The following KLHL24 variants were observed in gnomAD, a reference collection of about 807,000 sequenced individuals.
The protein encoded by KLHL24 is kelch-like protein 24.
Under a neutral mutation model 53.4 loss-of-function variants are expected in KLHL24, and 29 were observed. That is an observed-to-expected ratio of 0.54 (90% CI 0.40 to 0.74). The LOEUF is 0.74. KLHL24 is among the 30% of genes least tolerant of loss of function. The pLI is 0.00. For synonymous variants in KLHL24, 222 were observed against 253.7 expected, an observed-to-expected ratio of 0.88 and a Z score of 1.19; for missense variants, 504 against 744.0, an observed-to-expected ratio of 0.68 and a Z score of 3.75.
chr3:183,674,312 C>G (rs1261598158), intron 7 of KLHL24, among the ~76,000 whole-genome samples: 1 of 134,956 alleles, frequency 7.4e-6, no homozygotes, highest in Admixed American at 7.7e-5. Context: ...TCCTTTCTTC[C>G]TTCCTTCCTT....
At chr3:183,652,161 C>A (rs971851992) in intron 3 of KLHL24, among the ~76,000 whole-genome samples, 4 of 152,214 alleles carry the variant, frequency 2.6e-5, no homozygotes, top group Admixed American at 1.3e-4. Flanking sequence ...GTGAAAATTA[C>A]ATCATCATTA....
At chr3:183,669,113 C>T (rs1290036502) in intron 5 of KLHL24, among the ~76,000 whole-genome samples, 1 of 152,090 alleles carries the variant, frequency 6.6e-6, no homozygotes, top group Non-Finnish European at 1.5e-5. Context: ...TTTTAATTTA[C>T]ACATGTAGGA....
Position 183,672,119 on chromosome 3 carries a change from A to T in KLHL24, c.1414-177A>T, listed in dbSNP as rs557070557. Among the ~76,000 whole-genome samples the T allele has an allele frequency of 1.2e-4, 19 of 152,260 alleles. No individual in the cohort carries two copies. In the South Asian group the frequency reaches 3.7e-3, roughly 30 times the overall value. ...TTCTGCTTGATAGTAATAAATTTGC[A>T]TTTTATTTGAGAATGTTCGTAATTC... On this transcript the variant is annotated intron_variant, in intron 6 of 7. Transcript: ENST00000242810.
In KLHL24 at chr3:183,651,202, T is replaced by C. The variant is rs201498239; in HGVS notation, c.846T>C (p.Tyr282=). Residue 282 remains tyrosine (Y), a synonymous_variant, in exon 3 of 8, where the codon TAT becomes TAC. Coordinates refer to ENST00000242810, the MANE Select transcript of KLHL24 (RefSeq NM_017644.3). ...DQLIQNSPEC[Y]QLLHEARRYH... is the part of the protein sequence containing the mutation. Reference sequence around the variant, plus strand: ...TGATCCAGAATTCTCCTGAGTGTTATCAGTTGTTGCATGAAGCAAGACGGT... The same window carrying C: ...TGATCCAGAATTCTCCTGAGTGTTACCAGTTGTTGCATGAAGCAAGACGGT... 1.2e-3 allele frequency: 1,866 copies of C among 1,614,200 alleles called. 5 individuals carry two copies. Among genetic ancestry groups the C allele is most frequent in the Non-Finnish European group, 1.4e-3 (1,628 of 1,180,038 alleles).
At chr3:183,666,825 C>T (rs529509189) in intron 5 of KLHL24, among the ~76,000 whole-genome samples, 1 of 152,136 alleles carries the variant, frequency 6.6e-6, no homozygotes, top group African/African-American at 2.4e-5. Flanking sequence ...ACAGTTGTAC[C>T]AAGGATTACC....
intron 1 of KLHL24, among the ~76,000 whole-genome samples, chr3:183,641,350 C>T (rs1346542611): frequency 6.6e-6 from 1 of 151,710 alleles, no homozygotes; most frequent in African/African-American, 2.4e-5. Context: ...TGGTGGCGCA[C>T]ACCTGTAGTC....
chr3:183,669,441 T>C (rs764255847), intron 5 of KLHL24, among the ~76,000 whole-genome samples: 6 of 152,214 alleles, frequency 3.9e-5, no homozygotes, highest in Non-Finnish European at 7.3e-5. Flanking sequence ...GAGCTGGTGA[T>C]CAAAGCCTGT....
rs771046844 is a variant in KLHL24 at position 183,650,543 on chromosome 3, C to T, written c.187C>T (p.Arg63Cys). 17 of 1,613,824 alleles carry T rather than the reference C, an allele frequency of 1.1e-5. No individual in the cohort carries two copies. Among genetic ancestry groups the T allele is most frequent in the Admixed American group, 5.0e-5 (3 of 59,998 alleles). Reference protein sequence around the residue: ...LQIFNEFRDSRLFTDVIICVE... With the variant: ...LQIFNEFRDSCLFTDVIICVE... ...GATATTTAATGAATTTCGTGATAGC[C>T]GCTTATTCACAGATGTTATCATTTG... The change falls in exon 3 of 8, where the codon CGC becomes TGC. Residue 63 changes from arginine (R) to cysteine (C), a missense_variant. Arg to Cys is a radical substitution (Grantham distance 180). Transcript: ENST00000242810. This position sits in a 1 kb window ranked among gnomAD's most constrained non-coding sequence, Gnocchi z 4.5.
intron 7 of KLHL24, among the ~76,000 whole-genome samples, chr3:183,677,756 T>G (rs984458137): frequency 6.6e-6 from 1 of 152,060 alleles, no homozygotes; most frequent in African/African-American, 2.4e-5. Context: ...CATGTAATAG[T>G]GAATCAGTTG....
At position 183,663,067 on chromosome 3, in the gene KLHL24, C is replaced by G. The variant is rs16857917; in HGVS notation, c.921-391C>G. ...AAGCTGATGAAAGAGCACCATTTTCCTACAGTTAGAAAAAAATGCATTATC... is the reference window on the plus strand; with the variant it reads ...AAGCTGATGAAAGAGCACCATTTTCGTACAGTTAGAAAAAAATGCATTATC... On this transcript the variant is annotated intron_variant, in intron 3 of 7. Transcript: ENST00000242810. The surrounding 1 kb of genome is among the most constrained non-coding windows in gnomAD (Gnocchi z 4.9). Among the ~76,000 whole-genome samples, 7,303 of 152,098 alleles carry G rather than the reference C, an allele frequency of 0.048. 610 individuals are homozygous for G. The highest frequency in any genetic ancestry group is 0.17 in the African/African-American group (6,966 of 41,460).
At chr3:183,668,920 T>TA (rs764022526) in intron 5 of KLHL24, among the ~76,000 whole-genome samples, 3 of 151,848 alleles carry the variant, frequency 2.0e-5, no homozygotes, top group East Asian at 2.0e-4. Context: ...AAAAAAATCT[T>TA]AGAGTAGGAA....
In KLHL24 at chr3:183,679,353, G is replaced by A; in HGVS notation, c.*67G>A. ...GGGAGGTTTTAAAAACTCTACAGTGGGAACTTCACATATCTCCTTTGTGCC... is the reference window on the plus strand; with the variant it reads ...GGGAGGTTTTAAAAACTCTACAGTGAGAACTTCACATATCTCCTTTGTGCC... On this transcript the variant is annotated 3_prime_UTR_variant, in exon 8 of 8. Transcript: ENST00000242810. 1 of 1,178,010 alleles carries A rather than the reference G, an allele frequency of 8.5e-7. No homozygotes were observed. Among genetic ancestry groups the A allele is most frequent in the Non-Finnish European group, 1.2e-6 (1 of 800,992 alleles). The allele number at this position is 1,178,010 out of a possible 1,614,324, so 73.0% of individuals were successfully genotyped here.
intron 3 of KLHL24, among the ~76,000 whole-genome samples, chr3:183,651,629 GT>G (rs1718131207): frequency 6.6e-6 from 1 of 151,954 alleles, no homozygotes; most frequent in South Asian, 2.1e-4. Flanking sequence ...TAAGATTTTA[GT>G]AGGCTCTCTT....
intron 3 of KLHL24, among the ~76,000 whole-genome samples, chr3:183,655,095 AT>A (rs1718661310): frequency 6.6e-6 from 1 of 152,162 alleles, no homozygotes; most frequent in Admixed American, 6.6e-5. Flanking sequence ...TGTGCCAAGT[AT>A]TGTCCAGAGC....
At position 183,640,171 on chromosome 3, in the gene KLHL24, C is replaced by T. The variant is rs568297453; in HGVS notation, c.-124-3309C>T. 5.8e-4 allele frequency among the ~76,000 whole-genome samples: 88 copies of T among 152,274 alleles called. 2 individuals carry two copies. The South Asian group carries it at 6.6e-3, about 11-fold the overall frequency. On this transcript the variant is annotated intron_variant, in intron 1 of 7. Coordinates refer to ENST00000242810, the MANE Select transcript of KLHL24 (RefSeq NM_017644.3). ...ATAAAACCAAACAACAGTAAATTTACACATCAAGTCTAGTCAGAAGCATGA... is the reference window on the plus strand; with the variant it reads ...ATAAAACCAAACAACAGTAAATTTATACATCAAGTCTAGTCAGAAGCATGA...
intron 1 of KLHL24, among the ~76,000 whole-genome samples, chr3:183,641,657 C>T (rs973813940): frequency 2.0e-5 from 3 of 151,990 alleles, no homozygotes; most frequent in African/African-American, 7.3e-5. Flanking sequence ...TGCAGCAGTT[C>T]TCTACTACAA....
rs533580095 is a variant in KLHL24, at chr3:183,683,790, T to C, written c.*4504T>C. ...TGTGCCTTAAGTTCTCTAGTGCTAT[T>C]TCAACTTTTTTTTCAATCTAAATGA... On this transcript the variant is annotated 3_prime_UTR_variant, in exon 8 of 8. Transcript: ENST00000242810. 6.5e-6 allele frequency: 1 copy of C among 152,772 alleles called. No homozygotes were observed. The highest frequency in any genetic ancestry group is 2.1e-4 in the South Asian group (1 of 4,832). The allele number at this position is 152,772 out of a possible 1,614,324, so 9.5% of individuals were successfully genotyped here. A position where few individuals can be genotyped will look rare whatever the true frequency, so the allele number is the denominator to read the frequency against.
intron 5 of KLHL24, among the ~76,000 whole-genome samples, chr3:183,670,592 C>G (rs1456800459): frequency 1.3e-5 from 2 of 152,144 alleles, no homozygotes; most frequent in African/African-American, 4.8e-5. Flanking sequence ...TTTCACAGCT[C>G]TAATACTTTA....
rs1720126786 is a variant in KLHL24 at position 183,663,770 on chromosome 3, T to C, written c.1105+128T>C. ...TTGAGGAAGATCAGTTTACAACAAA[T>C]AAAACCAAGAATGACTTTTTGCTCT... is the stretch of plus-strand genomic sequence containing the variant. On this transcript the variant is annotated intron_variant, in intron 4 of 7. Coordinates refer to ENST00000242810, the MANE Select transcript of KLHL24 (RefSeq NM_017644.3). The surrounding 1 kb of genome is among the most constrained non-coding windows in gnomAD (Gnocchi z 4.9). 7 of 538,802 alleles carry C rather than the reference T, an allele frequency of 1.3e-5. No individual in the cohort carries two copies. In the South Asian group the frequency reaches 2.9e-4, roughly 22 times the overall value. The allele number at this position is 538,802 out of a possible 1,614,324, so 33.4% of individuals were successfully genotyped here.
Sources: allele counts gnomAD v4.1 joint callset (sites outside exome capture counted in the v4.1 genomes callset), GRCh38; gene constraint gnomAD v4.1.1; non-coding constraint Gnocchi (gnomAD v3.1); transcripts MANE v1.5; gene names NCBI Gene and HGNC (gene_info 2026-07-23, HGNC 2026-07-21).